The following PTPRM variants were observed in gnomAD, a reference collection of about 807,000 sequenced individuals.
PTPRM encodes protein tyrosine phosphatase receptor type M, also known as receptor-type tyrosine-protein phosphatase mu.
Under a neutral mutation model 186.7 loss-of-function variants are expected in PTPRM, and 47 were observed. That is an observed-to-expected ratio of 0.25 (90% CI 0.20 to 0.32). PTPRM has a LOEUF of 0.32. PTPRM is among the 10% of genes least tolerant of loss of function. The pLI is 1.00. For synonymous variants in PTPRM, 668 were observed against 674.9 expected, an observed-to-expected ratio of 0.99 and a Z score of 0.16; for missense variants, 1,494 against 1,865.0, an observed-to-expected ratio of 0.80 and a Z score of 3.66.
At chr18:7,781,645 C>T (rs1374928278) in intron 2 of PTPRM, among the ~76,000 whole-genome samples, 1 of 152,150 alleles carries the variant, frequency 6.6e-6, no homozygotes, top group African/African-American at 2.4e-5. Flanking sequence ...ATCATTCGTT[C>T]CCATGTTTGT....
chr18:8,322,646 T>C (rs1399124390), intron 22 of PTPRM, among the ~76,000 whole-genome samples: 1 of 152,144 alleles, frequency 6.6e-6, no homozygotes, highest in Non-Finnish European at 1.5e-5. Context: ...CAGAAGAGCA[T>C]GCAAGTGGGT....
intron 1 of PTPRM, among the ~76,000 whole-genome samples, chr18:7,583,491 C>G (rs1052263090): frequency 6.6e-6 from 1 of 152,160 alleles, no homozygotes; most frequent in African/African-American, 2.4e-5. Flanking sequence ...TTATAATTTT[C>G]AAGTATGGCT....
chr18:8,001,257 A>AG (rs968158980), intron 7 of PTPRM, among the ~76,000 whole-genome samples: 1 of 152,168 alleles, frequency 6.6e-6, no homozygotes, highest in Non-Finnish European at 1.5e-5. Context: ...GTCCTCTGTT[A>AG]GGGGATAGCG....
In PTPRM at chr18:8,376,445, C is replaced by G. The variant is rs7244518; in HGVS notation, c.3327-17C>G. ...TGGTCCTTCTTCCTCCACTGACAGA[C>G]CCCCCTTTTCATTCAGTGCTGGTGC... On this transcript the variant is annotated splice_polypyrimidine_tract_variant and intron_variant, in intron 25 of 32. Transcript: ENST00000580170. The G allele has an allele frequency of 0.04, 64,102 of 1,613,796 alleles. 3,184 individuals carry two copies. Among genetic ancestry groups the G allele is most frequent in the African/African-American group, 0.24 (18,323 of 74,944 alleles).
intron 14 of PTPRM, among the ~76,000 whole-genome samples, chr18:8,183,158 C>T (rs1377642280): frequency 6.6e-6 from 1 of 152,124 alleles, no homozygotes; most frequent in Admixed American, 6.5e-5. Flanking sequence ...TTTCCAAAAC[C>T]TAAACAAAAT....
At chr18:8,240,549 GGAAAGAAGGAAA>G (rs2094408638) in intron 14 of PTPRM, among the ~76,000 whole-genome samples, 1 of 106,168 alleles carries the variant, frequency 9.4e-6, no homozygotes, top group Admixed American at 9.8e-5. Flanking sequence ...AAGGAAGGAA[GGAAAGAAGGAAA>G]GAAAGAAAGA....
At chr18:8,125,037 A>G (rs917174235) in intron 13 of PTPRM, among the ~76,000 whole-genome samples, 13 of 151,942 alleles carry the variant, frequency 8.6e-5, no homozygotes, top group African/African-American at 2.9e-4. Context: ...TCTACCACCA[A>G]TGAAAACAAG....
chr18:7,684,814 C>T (rs1306642187), intron 1 of PTPRM, among the ~76,000 whole-genome samples: 2 of 152,166 alleles, frequency 1.3e-5, no homozygotes, highest in African/African-American at 2.4e-5. Context: ...TTTGGGAGTA[C>T]TAATAGCTCT....
At chr18:7,850,907 G>A (rs539489902) in intron 2 of PTPRM, among the ~76,000 whole-genome samples, 48 of 152,284 alleles carry the variant, frequency 3.2e-4, no homozygotes, top group African/African-American at 1.1e-3. Flanking sequence ...GAACTCTTAG[G>A]AGATCCAGAT....
intron 1 of PTPRM, among the ~76,000 whole-genome samples, chr18:7,719,216 A>G (rs1351865586): frequency 6.6e-6 from 1 of 152,374 alleles, no homozygotes; most frequent in African/African-American, 2.4e-5. Context: ...ACTCAGCCAT[A>G]AAATGGAATG....
Position 7,668,136 on chromosome 18 carries a change from A to C in PTPRM, c.73+100245A>C, listed in dbSNP as rs2039138996. Among the ~76,000 whole-genome samples the C allele has an allele frequency of 6.6e-6, 1 of 152,142 alleles. No individual in the cohort carries two copies. Among genetic ancestry groups the C allele is most frequent in the African/African-American group, 2.4e-5 (1 of 41,432 alleles). ...TAGAGAAATGGTTTCTTTTGTATGA[A>C]AGGGAAAGTCAAGCTCTTATTATTT... is the stretch of plus-strand genomic sequence containing the variant. On this transcript the variant is annotated intron_variant, in intron 1 of 32. Coordinates refer to ENST00000580170, the MANE Select transcript of PTPRM (RefSeq NM_001105244.2). This position sits in a 1 kb window ranked among gnomAD's most constrained non-coding sequence, Gnocchi z 4.7.
chr18:7,595,652 G>A (rs1408675778), intron 1 of PTPRM, among the ~76,000 whole-genome samples: 1 of 152,148 alleles, frequency 6.6e-6, no homozygotes, highest in Non-Finnish European at 1.5e-5. Context: ...GCAGAAAGTC[G>A]TGGCACAGAC....
chr18:8,028,720 G>C (rs957343646), intron 7 of PTPRM, among the ~76,000 whole-genome samples: 4 of 152,158 alleles, frequency 2.6e-5, no homozygotes, highest in African/African-American at 9.7e-5. Context: ...CATTGTACTA[G>C]TCTGGGTAAA....
At chr18:7,793,644 A>T (rs959440263) in intron 2 of PTPRM, among the ~76,000 whole-genome samples, 3 of 152,108 alleles carry the variant, frequency 2.0e-5, no homozygotes, top group Non-Finnish European at 4.4e-5. Context: ...GTGGCTCAAG[A>T]TGGGGAGGAT....
At chr18:7,808,300 A>G (rs948556759) in intron 2 of PTPRM, among the ~76,000 whole-genome samples, 3 of 152,232 alleles carry the variant, frequency 2.0e-5, no homozygotes, top group Non-Finnish European at 4.4e-5. Flanking sequence ...GGCTGAGGGC[A>G]CAGAGGAGAA....
At chr18:8,016,243 G>A (rs2147914461) in intron 7 of PTPRM, among the ~76,000 whole-genome samples, 1 of 152,252 alleles carries the variant, frequency 6.6e-6, no homozygotes, top group South Asian at 2.1e-4. Flanking sequence ...TAAAAGGCCA[G>A]GAGTAGTGGC....
chr18:7,756,409 G>A (rs1428078992), intron 1 of PTPRM, among the ~76,000 whole-genome samples: 1 of 152,146 alleles, frequency 6.6e-6, no homozygotes, highest in Non-Finnish European at 1.5e-5. Context: ...GATTCTGGGA[G>A]CAAATTTTCT....
chr18:8,250,231 A>G (rs1211362553), intron 17 of PTPRM, among the ~76,000 whole-genome samples: 1 of 152,036 alleles, frequency 6.6e-6, no homozygotes, highest in Admixed American at 6.6e-5. Flanking sequence ...TAGATGATTA[A>G]ATGGATGGTT....
At chr18:7,639,574 ATGGGGTTTCACCG>A (rs1190472116) in intron 1 of PTPRM, among the ~76,000 whole-genome samples, 1 of 150,810 alleles carries the variant, frequency 6.6e-6, no homozygotes, top group Non-Finnish European at 1.5e-5. Flanking sequence ...TTTAGTAGAG[ATGGGGTTTCACCG>A]TGTTGGCTGG....
Sources: gnomAD v4.1 joint callset for allele counts (sites outside exome capture counted in the v4.1 genomes callset) on GRCh38, gnomAD v4.1.1 for gene constraint, Gnocchi (gnomAD v3.1) non-coding constraint, MANE v1.5 for transcripts, NCBI Gene and HGNC (gene_info 2026-07-23, HGNC 2026-07-21) for gene names.